Variants in FAM13C observed in about 807,000 individuals in gnomAD.
The protein encoded by FAM13C is protein FAM13C.
FAM13C carries 37 observed loss-of-function variants against 73.2 expected under a neutral mutation model. That is an observed-to-expected ratio of 0.51 (90% CI 0.39 to 0.67). The LOEUF (loss-of-function observed/expected upper bound fraction) is 0.67. Ranked by LOEUF, FAM13C falls within the 30% of genes least tolerant of loss-of-function variation. FAM13C has a pLI of 0.00. For missense variants in FAM13C, 589 were observed against 715.6 expected, an observed-to-expected ratio of 0.82 and a Z score of 2.02; for synonymous variants, 246 against 260.9, an observed-to-expected ratio of 0.94 and a Z score of 0.55.
chr10:59,347,675 CT>C lies in FAM13C; in HGVS notation c.324+4594del, dbSNP rs576465308. ...TATTTCTCCTAATGTTATCCCTCCC[CT>C]AGCCCCCCACCCCGCAACAGGCCCC... On this transcript the variant is annotated intron_variant, in intron 3 of 13. Coordinates refer to ENST00000618804, the MANE Select transcript of FAM13C (RefSeq NM_198215.4). 8.5e-3 allele frequency among the ~76,000 whole-genome samples: 1,288 copies of C among 152,116 alleles called. 7 individuals carry two copies. The highest frequency in any genetic ancestry group is 0.024 in the Middle Eastern group (7 of 288).
intron 8 of FAM13C, among the ~76,000 whole-genome samples, chr10:59,267,321 T>C (rs993330022): frequency 6.6e-6 from 1 of 152,240 alleles, no homozygotes; most frequent in African/African-American, 2.4e-5. Context: ...TTGCAGAACC[T>C]ACTCATCTGT....
chr10:59,341,397 G>A (rs918184454), intron 3 of FAM13C, among the ~76,000 whole-genome samples: 2 of 152,236 alleles, frequency 1.3e-5, no homozygotes, highest in Admixed American at 6.5e-5. Flanking sequence ...GTTCCTGAAA[G>A]AAATCCCTGG....
chr10:59,294,839 A>G (rs1846704718), intron 5 of FAM13C, among the ~76,000 whole-genome samples: 1 of 152,182 alleles, frequency 6.6e-6, no homozygotes, highest in Non-Finnish European at 1.5e-5. Flanking sequence ...AGGTGACTCT[A>G]CCTCAACTCA....
chr10:59,361,199 T>C (rs146130904), intron 1 of FAM13C: 167 of 885,478 alleles, frequency 1.9e-4, no homozygotes, highest in Non-Finnish European at 2.5e-4. Context: ...TTGCTTCTTC[T>C]AAAGTCAATC....
intron 2 of FAM13C, 46 bp from the exon 3 acceptor site, chr10:59,352,520 G>A (rs747665235): frequency 1.3e-6 from 2 of 1,510,272 alleles, no homozygotes; most frequent in Non-Finnish European, 1.8e-6. Flanking sequence ...AAAAAAAGAT[G>A]AATAAACTGC....
At position 59,283,442 on chromosome 10, in the gene FAM13C, T is replaced by C; in HGVS notation, c.513A>G (p.Glu171=). The change falls in exon 6 of 14, where the codon GAA becomes GAG. Residue 171 remains glutamate, a synonymous_variant. Transcript: ENST00000618804. The part of the protein sequence containing the change: ...FETRQDLNEE[E]AAQVHGVKDP... Reference sequence around the variant, plus strand: ...CCTTGACTCCATGCACCTGAGCAGCTTCTTCCTGGTTTGTTAAAAATGCAG... The same window carrying C: ...CCTTGACTCCATGCACCTGAGCAGCCTCTTCCTGGTTTGTTAAAAATGCAG... 5.0e-6 allele frequency: 8 copies of C among 1,614,202 alleles called. No individual in the cohort carries two copies. The highest frequency in any genetic ancestry group is 5.9e-6 in the Non-Finnish European group (7 of 1,180,014).
At position 59,262,619 on chromosome 10, in the gene FAM13C, G is replaced by T. The variant is rs1194324554; in HGVS notation, c.1051C>A (p.Gln351Lys). 6.2e-7 allele frequency: 1 copy of T among 1,613,538 alleles called. No homozygotes were observed. Among genetic ancestry groups the T allele is most frequent in the Non-Finnish European group, 8.5e-7 (1 of 1,179,696 alleles). The change falls in exon 10 of 14, where the codon CAA (glutamine) becomes AAA (lysine). Residue 351 changes from glutamine to lysine, a missense_variant. Physicochemically the swap from Gln to Lys is moderately conservative, Grantham distance 53. Coordinates refer to ENST00000618804, the MANE Select transcript of FAM13C (RefSeq NM_198215.4). The part of the protein sequence containing the change: ...KELKLKLSEE[Q>K]GSAPKGPPRN... ...GGTGGACCTTTGGGAGCACTCCCTT[G>T]TTCTTCTGACAGCTTTAGCTTTAGT... is the stretch of plus-strand genomic sequence containing the variant.
chr10:59,249,436 C>A (rs907340363), intron 13 of FAM13C, among the ~76,000 whole-genome samples: 8 of 141,104 alleles, frequency 5.7e-5, no homozygotes, highest in African/African-American at 2.1e-4. Flanking sequence ...AAAAAGAGTG[C>A]TTTGACAAGA....
At chr10:59,356,397 G>C (rs1042137386) in intron 1 of FAM13C, among the ~76,000 whole-genome samples, 1 of 152,138 alleles carries the variant, frequency 6.6e-6, no homozygotes, top group Admixed American at 6.5e-5. Flanking sequence ...TTGTGAAAAG[G>C]AAGGGGTTCC....
chr10:59,313,766 A>G (rs922359951), intron 4 of FAM13C, among the ~76,000 whole-genome samples: 3 of 152,198 alleles, frequency 2.0e-5, no homozygotes, highest in African/African-American at 7.2e-5. Flanking sequence ...GAATTTAGCC[A>G]GTGTACACAA....
intron 3 of FAM13C, 58 bp from the exon 4 acceptor site, chr10:59,324,164 T>C: frequency 7.3e-7 from 1 of 1,361,418 alleles, no homozygotes; most frequent in East Asian, 2.3e-5. Flanking sequence ...TTCCATAGCA[T>C]TATTATGCTG....
chr10:59,308,600 T>TCACCATCACCAC (rs1848558048), intron 4 of FAM13C, among the ~76,000 whole-genome samples: 1 of 148,972 alleles, frequency 6.7e-6, no homozygotes, highest in Non-Finnish European at 1.5e-5. Flanking sequence ...CCAACCAGCA[T>TCACCATCACCAC]CACCATCACC....
chr10:59,264,757 C>T (rs1324271643), intron 8 of FAM13C, among the ~76,000 whole-genome samples: 4 of 152,078 alleles, frequency 2.6e-5, no homozygotes, highest in Non-Finnish European at 5.9e-5. Flanking sequence ...TAGGGGGATA[C>T]ACGGATTTCT....
At chr10:59,267,971 G>A (rs1564499258) in intron 8 of FAM13C, among the ~76,000 whole-genome samples, 2 of 152,124 alleles carry the variant, frequency 1.3e-5, no homozygotes, top group African/African-American at 2.4e-5. Flanking sequence ...GGAGGCTCAT[G>A]TTTGCTGCAG....
At chr10:59,356,720 G>C (rs1400695536) in intron 1 of FAM13C, among the ~76,000 whole-genome samples, 1 of 152,164 alleles carries the variant, frequency 6.6e-6, no homozygotes, top group Non-Finnish European at 1.5e-5. Flanking sequence ...TTAATATTGA[G>C]TATTAATTTG....
rs3078249 is a variant in FAM13C at position 59,254,576 on chromosome 10, CATTTATTTATTTATTT to C, written c.1237-149_1237-134del. ...CAGCAGTTATCATGAAAAGGAAAGT[CATTTATTTATTTATTT>C]ATTTATTTATTTATTTATTTATTTA... On this transcript the variant is annotated intron_variant, in intron 10 of 13. Coordinates refer to ENST00000618804, the MANE Select transcript of FAM13C (RefSeq NM_198215.4). 1,255 of 220,606 alleles carry C rather than the reference CATTTATTTATTTATTT, an allele frequency of 5.7e-3. 9 individuals are homozygous for C. The highest frequency in any genetic ancestry group is 0.02 in the African/African-American group (806 of 39,424). 13.7% of individuals were successfully genotyped at this position (220,606 alleles called of 1,614,324 possible).
intron 3 of FAM13C, among the ~76,000 whole-genome samples, chr10:59,330,974 T>C (rs1219575871): frequency 6.6e-6 from 1 of 152,166 alleles, no homozygotes; most frequent in Non-Finnish European, 1.5e-5. Context: ...CTGTAACTCC[T>C]AGGATTCACA....
chr10:59,341,110 G>T (rs1354545206), intron 3 of FAM13C, among the ~76,000 whole-genome samples: 1 of 152,100 alleles, frequency 6.6e-6, no homozygotes, highest in East Asian at 1.9e-4. Context: ...AATCTGGTAG[G>T]TCGCACCTTT....
At chr10:59,297,989 T>A (rs1847115909) in intron 5 of FAM13C, among the ~76,000 whole-genome samples, 1 of 152,100 alleles carries the variant, frequency 6.6e-6, no homozygotes, top group Non-Finnish European at 1.5e-5. Context: ...CCATTGGAGG[T>A]ATAGAGTTTA....
Sources: allele counts gnomAD v4.1 joint callset (sites outside exome capture counted in the v4.1 genomes callset), GRCh38; gene constraint gnomAD v4.1.1; transcripts MANE v1.5; gene names NCBI Gene and HGNC (gene_info 2026-07-23, HGNC 2026-07-21).